Variants in MTMR8 observed in about 807,000 individuals in gnomAD.
The protein encoded by MTMR8 is myotubularin related protein 8.
MTMR8 carries 65 observed loss-of-function variants against 39.3 expected under a neutral mutation model. The observed-to-expected ratio is 1.65, with a 90% CI of 1.35 to 2.03. The LOEUF is 2.03. Among genes scored for constraint, MTMR8 ranks in the 30% most tolerant of loss-of-function variants. The probability of loss-of-function intolerance (pLI) is 0.00; values close to 1 mark genes in which losing one functional copy is unlikely to be tolerated. For missense variants in MTMR8, 777 were observed against 538.9 expected (o/e 1.44, Z -4.37); for synonymous variants, 245 against 185.2 (o/e 1.32, Z -2.62).
chrX:64,339,137 T>C (rs1347445190), intron 8 of MTMR8, among the ~76,000 whole-genome samples: 2 of 110,882 alleles, frequency 1.8e-5, no homozygotes, highest in Non-Finnish European at 3.8e-5. Context: ...TGAATAGAGA[T>C]AGTAGTATAC....
chrX:64,304,212 A>C (rs1922000902), intron 12 of MTMR8, among the ~76,000 whole-genome samples: 1 of 112,109 alleles, frequency 8.9e-6, no homozygotes, highest in African/African-American at 3.2e-5. Flanking sequence ...GAAATAGAAA[A>C]CATAAGTTGC....
At chrX:64,304,874 A>ATATG (rs1922032655) in intron 12 of MTMR8, among the ~76,000 whole-genome samples, 1 of 43,143 alleles carries the variant, frequency 2.3e-5, no homozygotes, top group Non-Finnish European at 3.5e-5. Flanking sequence ...ATATATATAT[A>ATATG]TATATATATA....
intron 1 of MTMR8, among the ~76,000 whole-genome samples, chrX:64,360,805 A>G (rs1347221951): frequency 8.9e-6 from 1 of 112,045 alleles, no homozygotes; most frequent in Non-Finnish European, 1.9e-5. Context: ...AGAACTAAGA[A>G]GTAAATGTAT....
At chrX:64,325,929 T>G (rs2147218719) in intron 12 of MTMR8, among the ~76,000 whole-genome samples, 1 of 111,782 alleles carries the variant, frequency 8.9e-6, no homozygotes, top group East Asian at 2.8e-4. Context: ...CCTTGCACAC[T>G]GGAAAATCAA....
rs1352700479 is a variant in MTMR8, at chrX:64,268,120, C to T, written c.*417G>A. 7.8e-6 allele frequency: 1 copy of T among 128,962 alleles called. No individual in the cohort carries two copies. Among genetic ancestry groups the T allele is most frequent in the Non-Finnish European group, 1.6e-5 (1 of 64,133 alleles). The allele number at this position is 128,962 out of a possible 1,213,427, so 10.6% of individuals were successfully genotyped here. On this transcript the variant is annotated 3_prime_UTR_variant, in exon 14 of 14. Coordinates refer to ENST00000374852, the MANE Select transcript of MTMR8 (RefSeq NM_017677.4). Reference sequence around the variant, plus strand: ...AATTTATTCTGCAATTCACAGTTACCTGCTGTATACCATCTCTCCATACCC... The same window carrying T: ...AATTTATTCTGCAATTCACAGTTACTTGCTGTATACCATCTCTCCATACCC...
chrX:64,352,271 G>T (rs925822785), intron 4 of MTMR8, among the ~76,000 whole-genome samples: 14 of 111,501 alleles, frequency 1.3e-4, no homozygotes, highest in African/African-American at 4.6e-4. Context: ...ACGTCACTCT[G>T]CTGAGAGAGG....
intron 12 of MTMR8, among the ~76,000 whole-genome samples, chrX:64,302,408 C>T (rs1921922619): frequency 8.9e-6 from 1 of 112,583 alleles, no homozygotes; most frequent in African/African-American, 3.2e-5. Flanking sequence ...GAGGCAATGC[C>T]TCGCCCTGCT....
chrX:64,282,103 C>A (rs1229992158), intron 12 of MTMR8, among the ~76,000 whole-genome samples: 1 of 111,027 alleles, frequency 9.0e-6, no homozygotes, highest in African/African-American at 3.3e-5. Context: ...GAAATAGGAA[C>A]ACTTTTACAC....
chrX:64,271,774 C>T (rs1336895414), intron 12 of MTMR8, among the ~76,000 whole-genome samples: 1 of 112,025 alleles, frequency 8.9e-6, no homozygotes, highest in Non-Finnish European at 1.9e-5. Context: ...GTGATAGTAT[C>T]CTGAGGGCTA....
At chrX:64,308,925 A>G (rs5964761) in intron 12 of MTMR8, among the ~76,000 whole-genome samples, 15,916 of 111,299 alleles carry the variant, frequency 0.14, 2,688 homozygotes, top group African/African-American at 0.49. Flanking sequence ...TCTGTGGGTC[A>G]ATTTCTGGGC....
intron 12 of MTMR8, among the ~76,000 whole-genome samples, chrX:64,283,968 G>A (rs1356319980): frequency 8.9e-6 from 1 of 112,483 alleles, no homozygotes; most frequent in African/African-American, 3.2e-5. Context: ...AACAAAGCTG[G>A]ATGGAGAAGG....
At chrX:64,303,773 A>G (rs1197051802) in intron 12 of MTMR8, among the ~76,000 whole-genome samples, 2 of 112,713 alleles carry the variant, frequency 1.8e-5, no homozygotes, top group Admixed American at 9.4e-5. Context: ...ACAAAGTTTG[A>G]AAACAAGTAA....
intron 8 of MTMR8, 45 bp from the exon 9 acceptor site, chrX:64,337,438 C>T (rs955493483): frequency 2.7e-5 from 32 of 1,184,021 alleles, no homozygotes; most frequent in Non-Finnish European, 3.6e-5. Flanking sequence ...AACCTTTGCA[C>T]AGCTTGTTGG....
At chrX:64,381,425 C>A (rs750943138) in intron 1 of MTMR8, among the ~76,000 whole-genome samples, 1 of 105,512 alleles carries the variant, frequency 9.5e-6, no homozygotes, top group African/African-American at 3.7e-5. Flanking sequence ...GCATATCCTT[C>A]GCCTACTTTT....
intron 12 of MTMR8, among the ~76,000 whole-genome samples, chrX:64,285,273 C>T (rs1921118374): frequency 8.9e-6 from 1 of 111,870 alleles, no homozygotes; most frequent in African/African-American, 3.3e-5. Context: ...GAAGAGCTAA[C>T]TATCCTAAAT....
At chrX:64,270,700 T>A (rs1189558791) in intron 13 of MTMR8, among the ~76,000 whole-genome samples, 2 of 111,675 alleles carry the variant, frequency 1.8e-5, no homozygotes, top group African/African-American at 6.5e-5. Context: ...ATTCATTCCA[T>A]CCAGATCCAA....
chrX:64,379,492 T>A (rs767369482), intron 1 of MTMR8, among the ~76,000 whole-genome samples: 2 of 111,431 alleles, frequency 1.8e-5, no homozygotes, highest in African/African-American at 6.5e-5. Flanking sequence ...ACAACCAAAA[T>A]CAAGGTGTCA....
At chrX:64,393,121 A>G (rs1302798174) in intron 1 of MTMR8, among the ~76,000 whole-genome samples, 2 of 111,989 alleles carry the variant, frequency 1.8e-5, no homozygotes, top group Non-Finnish European at 3.8e-5. Context: ...TCTGACCATG[A>G]TGCAAGTTTA....
rs28435891 is a variant in MTMR8, at chrX:64,334,580, A to C, written c.1151+1499T>G. On this transcript the variant is annotated intron_variant, in intron 10 of 13. Coordinates refer to ENST00000374852, the MANE Select transcript of MTMR8 (RefSeq NM_017677.4). ...TCAAATCTTTCAGCTTAAAAAAAAAAAAAAAAAAAAAAAAACAGGGCTCTG... is the reference window on the plus strand; with the variant it reads ...TCAAATCTTTCAGCTTAAAAAAAAACAAAAAAAAAAAAAAACAGGGCTCTG... 3.9e-3 allele frequency among the ~76,000 whole-genome samples: 408 copies of C among 105,475 alleles called. 1 individual carries two copies. The highest frequency in any genetic ancestry group is 0.013 in the African/African-American group (392 of 29,124). 91.6% of individuals were successfully genotyped at this position (105,475 alleles called of 115,157 possible).
Sources: allele counts gnomAD v4.1 joint callset (sites outside exome capture counted in the v4.1 genomes callset), GRCh38; gene constraint gnomAD v4.1.1; transcripts MANE v1.5; gene names NCBI Gene and HGNC (gene_info 2026-07-23, HGNC 2026-07-21).